PGM5: variants seen among roughly 807,000 people sequenced by gnomAD.
PGM5 encodes phosphoglucomutase-like protein 5.
In PGM5, 23 loss-of-function variants were observed where a neutral mutation model predicts 59.2. That is an observed-to-expected ratio of 0.39 (90% CI 0.28 to 0.55). The LOEUF is 0.55. Among genes scored for constraint, PGM5 ranks in the 20% least tolerant of loss-of-function variants. The pLI, the probability that PGM5 is intolerant of heterozygous loss-of-function variation, is 0.66. For missense variants in PGM5, 574 were observed against 748.3 expected, an observed-to-expected ratio of 0.77 and a Z score of 2.72; for synonymous variants, 214 against 286.0, an observed-to-expected ratio of 0.75 and a Z score of 2.54.
rs557455905 is a variant in PGM5, at chr9:68,370,456, C to G, written c.262-7743C>G. On this transcript the variant is annotated intron_variant, in intron 1 of 10. Transcript: ENST00000396396. ...TTTTAGCCTGAGGGTTTAAATATTA[C>G]CTCGCTGCTCTCTAGGACTTTAATT... 1.8e-3 allele frequency among the ~76,000 whole-genome samples: 270 copies of G among 152,224 alleles called. 1 individual carries two copies. Among genetic ancestry groups the G allele is most frequent in the African/African-American group, 6.4e-3 (267 of 41,532 alleles).
intron 6 of PGM5, among the ~76,000 whole-genome samples, chr9:68,393,195 G>T (rs1448243855): frequency 2.0e-5 from 3 of 152,034 alleles, no homozygotes; most frequent in Admixed American, 2.0e-4. Context: ...CTGGTGGAAA[G>T]TTAGAAAACA....
At chr9:68,416,534 ATTC>A (rs1400853662) in intron 6 of PGM5, among the ~76,000 whole-genome samples, 1 of 152,160 alleles carries the variant, frequency 6.6e-6, no homozygotes, top group Admixed American at 6.5e-5. Context: ...GTGAGTTTGA[ATTC>A]TTCTTTCAGG....
intron 7 of PGM5, among the ~76,000 whole-genome samples, chr9:68,476,434 T>A (rs1237997264): frequency 6.6e-6 from 1 of 152,262 alleles, no homozygotes; most frequent in Non-Finnish European, 1.5e-5. Context: ...CTCCCATTTT[T>A]ACTCTGTTTA....
At chr9:68,440,117 ATTATAG>A (rs1476715339) in intron 6 of PGM5, among the ~76,000 whole-genome samples, 3 of 152,216 alleles carry the variant, frequency 2.0e-5, no homozygotes, top group Non-Finnish European at 4.4e-5. Flanking sequence ...CAAATCCATA[ATTATAG>A]TTGAAGACAT....
At chr9:68,414,303 G>T (rs1822984692) in intron 6 of PGM5, among the ~76,000 whole-genome samples, 1 of 152,092 alleles carries the variant, frequency 6.6e-6, no homozygotes, top group African/African-American at 2.4e-5. Context: ...ACACAAAATG[G>T]ACTAAGACAC....
chr9:68,511,368 G>A (rs1250968004), intron 10 of PGM5, among the ~76,000 whole-genome samples: 7 of 152,040 alleles, frequency 4.6e-5, no homozygotes, highest in African/African-American at 9.7e-5. Flanking sequence ...CATATGCTAC[G>A]CCCTTTTCCT....
rs1554687341 is a variant in PGM5 at position 68,483,909 on chromosome 9, T to C, written c.1340T>C (p.Met447Thr). 1 of 1,614,176 alleles carries C rather than the reference T, an allele frequency of 6.2e-7. No homozygotes were observed. Among genetic ancestry groups the C allele is most frequent in the Non-Finnish European group, 8.5e-7 (1 of 1,179,998 alleles). ...GATCCCAAGACGACATATTATATCA[T>C]GAGGGACCTGGAGGCCCTGGTCACA... ...GLDPKTTYYI[M>T]RDLEALVTDK... Residue 447 changes from methionine (M) to threonine (T), a missense_variant, in exon 9 of 11, where the codon ATG becomes ACG. Met to Thr is a moderately conservative substitution (Grantham distance 81, BLOSUM62 -1). Around this residue, in one of 7 missense-constraint regions of PGM5, gnomAD observed 300 missense variants for 280.0 expected, o/e 1.07. Transcript: ENST00000396396.
At chr9:68,371,991 A>G (rs1587772975) in intron 1 of PGM5, among the ~76,000 whole-genome samples, 1 of 152,332 alleles carries the variant, frequency 6.6e-6, no homozygotes, top group East Asian at 1.9e-4. Flanking sequence ...CCTCACTGAC[A>G]CCTTGATTTT....
chr9:68,386,928 T>C (rs1207156224), intron 3 of PGM5, among the ~76,000 whole-genome samples: 1 of 151,932 alleles, frequency 6.6e-6, no homozygotes, highest in Non-Finnish European at 1.5e-5. Flanking sequence ...ATGAATGAGA[T>C]TTCACGCAAA....
At chr9:68,508,457 A>T (rs953800944) in intron 10 of PGM5, among the ~76,000 whole-genome samples, 25 of 152,314 alleles carry the variant, frequency 1.6e-4, no homozygotes, top group Middle Eastern at 3.4e-3. Context: ...AAATGTTTTG[A>T]TTTTTTTCCT....
At chr9:68,401,250 C>T (rs1254842085) in intron 6 of PGM5, among the ~76,000 whole-genome samples, 16 of 151,898 alleles carry the variant, frequency 1.1e-4, no homozygotes, top group East Asian at 9.7e-4. Context: ...TGGGTTTCTG[C>T]TATCTGAGTT....
At chr9:68,500,623 C>A (rs1246484948) in intron 10 of PGM5, among the ~76,000 whole-genome samples, 2 of 152,122 alleles carry the variant, frequency 1.3e-5, no homozygotes, top group African/African-American at 4.8e-5. Context: ...CAAGATAGTA[C>A]CAAATCATGC....
chr9:68,483,702 G>A (rs1229883776), intron 8 of PGM5, among the ~76,000 whole-genome samples, 163 bp from the exon 9 acceptor site: 1 of 152,178 alleles, frequency 6.6e-6, no homozygotes, highest in African/African-American at 2.4e-5. Flanking sequence ...CCGCTGTATG[G>A]GGAATGGACT....
Position 68,510,295 on chromosome 9 carries a change from G to A in PGM5, c.1614+10934G>A, listed in dbSNP as rs548196542. ...GCCTCCCAAGTAGCTGGGACTACACGCACCCGCCACCACGCCCGGCTAAAT... is the reference window on the plus strand; with the variant it reads ...GCCTCCCAAGTAGCTGGGACTACACACACCCGCCACCACGCCCGGCTAAAT... On this transcript the variant is annotated intron_variant, in intron 10 of 10. Coordinates refer to ENST00000396396, the MANE Select transcript of PGM5 (RefSeq NM_021965.4). 2.0e-5 allele frequency among the ~76,000 whole-genome samples: 3 copies of A among 151,738 alleles called. No homozygotes were observed. In the South Asian group the frequency reaches 6.3e-4, roughly 32 times the overall value.
chr9:68,358,846 ATGATGC>A (rs1834520465), intron 1 of PGM5, among the ~76,000 whole-genome samples: 1 of 152,128 alleles, frequency 6.6e-6, no homozygotes, highest in East Asian at 1.9e-4. Flanking sequence ...CCAGTAGACA[ATGATGC>A]TGGATATATG....
intron 10 of PGM5, among the ~76,000 whole-genome samples, chr9:68,526,398 G>C (rs141019685): frequency 2.0e-5 from 3 of 152,186 alleles, no homozygotes; most frequent in Admixed American, 2.0e-4. Flanking sequence ...TAAGCACCAC[G>C]GAAGCCCTCT....
chr9:68,407,677 G>A (rs1462344260), intron 6 of PGM5, among the ~76,000 whole-genome samples: 1 of 152,182 alleles, frequency 6.6e-6, no homozygotes, highest in Non-Finnish European at 1.5e-5. Flanking sequence ...CACTACTTCT[G>A]ATAATAGGGG....
At chr9:68,436,051 C>T (rs2132059562) in intron 6 of PGM5, among the ~76,000 whole-genome samples, 1 of 152,274 alleles carries the variant, frequency 6.6e-6, no homozygotes, top group South Asian at 2.1e-4. Context: ...GAAATGTCAG[C>T]CCCAGCACCA....
At chr9:68,378,046 G>A (rs1821967602) in intron 1 of PGM5, among the ~76,000 whole-genome samples, 153 bp from the exon 2 acceptor site, 1 of 150,920 alleles carries the variant, frequency 6.6e-6, no homozygotes, top group Non-Finnish European at 1.5e-5. Context: ...GACAATGTCA[G>A]TGCTCCCCCT....
Sources: allele counts gnomAD v4.1 joint callset (sites outside exome capture counted in the v4.1 genomes callset), GRCh38; gene constraint gnomAD v4.1.1; regional missense constraint gnomAD v4.1.1; transcripts MANE v1.5; gene names NCBI Gene and HGNC (gene_info 2026-07-23, HGNC 2026-07-21).